The following MORC4 variants were observed in gnomAD, a reference collection of about 807,000 sequenced individuals.
MORC4 encodes MORC family CW-type zinc finger 4.
In MORC4, 22 loss-of-function variants were observed where a neutral mutation model predicts 65.5. The ratio of observed to expected loss-of-function variants is 0.34; its 90% CI spans 0.24 to 0.48. The LOEUF is 0.48. MORC4 is among the 20% of genes least tolerant of loss of function. MORC4 has a pLI of 0.99. For missense variants in MORC4, 624 were observed against 703.0 expected, an observed-to-expected ratio of 0.89 and a Z score of 1.27; for synonymous variants, 267 against 255.8, an observed-to-expected ratio of 1.04 and a Z score of -0.42.
At chrX:106,995,092 T>C (rs1039165656) in intron 2 of MORC4, among the ~76,000 whole-genome samples, 2 of 111,664 alleles carry the variant, frequency 1.8e-5, no homozygotes, top group African/African-American at 3.3e-5. Flanking sequence ...TAGAACTTAT[T>C]TCTTTTATCT....
rs746653031 is a variant in MORC4, at chrX:106,991,984, T to C, written c.308+1246A>G. 2.7e-5 allele frequency among the ~76,000 whole-genome samples: 3 copies of C among 111,659 alleles called. No homozygotes were observed. The South Asian group carries it at 1.1e-3, about 42-fold the overall frequency. On this transcript the variant is annotated intron_variant, in intron 3 of 16. Coordinates refer to ENST00000355610, the MANE Select transcript of MORC4 (RefSeq NM_024657.5). ...GAATTGAACATATAAATGCTTTGGT[T>C]CCATCCCATCTAAAATTGTATTTTT...
intron 11 of MORC4, among the ~76,000 whole-genome samples, chrX:106,957,714 A>G (rs1934144055): frequency 8.9e-6 from 1 of 111,933 alleles, no homozygotes; most frequent in African/African-American, 3.2e-5. Flanking sequence ...ATGGTATATT[A>G]GGAAGACAAA....
Position 106,956,470 on chromosome X carries a change from T to C in MORC4, c.1509+10A>G. 1 of 1,193,154 alleles carries C rather than the reference T, an allele frequency of 8.4e-7. No homozygotes were observed. The highest frequency in any genetic ancestry group is 3.0e-5 in the East Asian group (1 of 33,808). On this transcript the variant is annotated intron_variant, in intron 13 of 16. Coordinates refer to ENST00000355610, the MANE Select transcript of MORC4 (RefSeq NM_024657.5). ...GTGTGAGAACAATAAGGGTGTGCAC[T>C]GCCTCTCACCTGGTGGTTCTCATTT...
chrX:106,981,247 T>C, intron 6 of MORC4, 98 bp downstream of exon 6: 3 of 964,626 alleles, frequency 3.1e-6, no homozygotes, highest in Non-Finnish European at 4.3e-6. Flanking sequence ...GGCTGGAACG[T>C]TGTTATCTTT....
rs146774186 is a variant in MORC4, at chrX:106,968,898, C to A, written c.1158-6788G>T. Among the ~76,000 whole-genome samples the A allele has an allele frequency of 1.5e-3, 169 of 110,706 alleles. 5 individuals carry two copies. In the East Asian group the frequency reaches 0.026, roughly 17 times the overall value. On this transcript the variant is annotated intron_variant, in intron 9 of 16. Coordinates refer to ENST00000355610, the MANE Select transcript of MORC4 (RefSeq NM_024657.5). ...AATAATAATGGGAGACTTTAACACC[C>A]CTCCATTGTCAACGTTAGACAGATC...
intron 2 of MORC4, among the ~76,000 whole-genome samples, chrX:106,994,568 C>T (rs1935042657): frequency 8.9e-6 from 1 of 112,142 alleles, no homozygotes; most frequent in Non-Finnish European, 1.9e-5. Context: ...TTTTTTATAA[C>T]ACAATTAATG....
Position 106,985,982 on chromosome X carries a change from T to C in MORC4, c.526+1A>G, listed in dbSNP as rs1285522341. Reference sequence around the variant, plus strand: ...ACATTCTCCATTTCCAGAAAGGATATTGTTTTGCTGGTTGAATGGAACAAT... The same window carrying C: ...ACATTCTCCATTTCCAGAAAGGATACTGTTTTGCTGGTTGAATGGAACAAT... On this transcript the variant is annotated splice_donor_variant, in intron 4 of 16. Transcript: ENST00000355610. LOFTEE classifies it high-confidence loss of function. 5 of 1,195,369 alleles carry C rather than the reference T, an allele frequency of 4.2e-6. No individual in the cohort carries two copies. The highest frequency in any genetic ancestry group is 5.7e-6 in the Non-Finnish European group (5 of 883,371).
chrX:106,981,285 T>C, intron 6 of MORC4, 60 bp downstream of exon 6: 6 of 1,076,311 alleles, frequency 5.6e-6, no homozygotes, highest in South Asian at 4.4e-5. Flanking sequence ...TCTTGTTCTA[T>C]AATATTTTCA....
intron 14 of MORC4, among the ~76,000 whole-genome samples, 161 bp from the exon 15 acceptor site, chrX:106,943,366 C>A (rs947656396): frequency 8.9e-6 from 1 of 111,851 alleles, no homozygotes; most frequent in Non-Finnish European, 1.9e-5. Flanking sequence ...CAAGCCTCAA[C>A]CATTTCACTA....
At chrX:106,976,723 T>C in intron 8 of MORC4, 39 bp from the exon 9 acceptor site, 3 of 1,012,589 alleles carry the variant, frequency 3.0e-6, no homozygotes, top group Admixed American at 2.2e-5. Context: ...TACATTACTG[T>C]TGGCTGCCTG....
At chrX:106,972,172 A>G (rs933474483) in intron 9 of MORC4, among the ~76,000 whole-genome samples, 14 of 111,777 alleles carry the variant, frequency 1.3e-4, no homozygotes, top group African/African-American at 4.6e-4. Context: ...TTGCAGGGAC[A>G]TGGATGAAGC....
intron 14 of MORC4, among the ~76,000 whole-genome samples, chrX:106,947,420 C>T (rs1933856188): frequency 9.4e-6 from 1 of 106,003 alleles, no homozygotes; most frequent in Non-Finnish European, 1.9e-5. Context: ...TTGTTGTATC[C>T]GTTATTGAAA....
chrX:106,993,210 G>C lies in MORC4; in HGVS notation c.308+20C>G. 1 of 1,200,383 alleles carries C rather than the reference G, an allele frequency of 8.3e-7. No individual in the cohort carries two copies. Among genetic ancestry groups the C allele is most frequent in the Non-Finnish European group, 1.1e-6 (1 of 888,353 alleles). ...GTTCATGAGCTTAAGACAAGAAAAA[G>C]ACAATGAAGACATTTTTACCTGAGC... On this transcript the variant is annotated intron_variant, in intron 3 of 16. Coordinates refer to ENST00000355610, the MANE Select transcript of MORC4 (RefSeq NM_024657.5).
Position 106,983,322 on chromosome X carries a change from G to A in MORC4, c.674+1774C>T, listed in dbSNP as rs773867392. ...CTTGAGGTTTTCTCAGTAGGACACA[G>A]GGAAGATCTAAATTACCAATGTGTG... On this transcript the variant is annotated intron_variant, in intron 5 of 16. Coordinates refer to ENST00000355610, the MANE Select transcript of MORC4 (RefSeq NM_024657.5). Among the ~76,000 whole-genome samples the A allele has an allele frequency of 5.8e-4, 65 of 112,168 alleles. No homozygotes were observed. In the Middle Eastern group the frequency reaches 0.014, roughly 24 times the overall value.
At chrX:106,959,337 G>A (rs1363330221) in intron 10 of MORC4, among the ~76,000 whole-genome samples, 2 of 111,029 alleles carry the variant, frequency 1.8e-5, no homozygotes, top group East Asian at 5.6e-4. Context: ...GAAGGCGGCT[G>A]GAGAAAAGAC....
At chrX:106,976,883 G>A (rs1367007055) in intron 8 of MORC4, among the ~76,000 whole-genome samples, 199 bp from the exon 9 acceptor site, 1 of 111,084 alleles carries the variant, frequency 9.0e-6, no homozygotes, top group Non-Finnish European at 1.9e-5. Context: ...ACAAATTCTA[G>A]GGCAGAGATT....
At chrX:106,968,334 A>G (rs1158776540) in intron 9 of MORC4, among the ~76,000 whole-genome samples, 2 of 111,302 alleles carry the variant, frequency 1.8e-5, no homozygotes, top group Non-Finnish European at 1.9e-5. Context: ...CATGGATAGG[A>G]ACAACTGGTA....
intron 13 of MORC4, 70 bp from the exon 14 acceptor site, chrX:106,955,158 T>C: frequency 1.2e-6 from 1 of 808,683 alleles, no homozygotes; most frequent in South Asian, 2.5e-5. Context: ...AGTCAATCCT[T>C]CTGATGCTAG....
chrX:106,978,323 A>G (rs1357652533), intron 7 of MORC4, 124 bp from the exon 8 acceptor site: 2 of 601,270 alleles, frequency 3.3e-6, no homozygotes, highest in Non-Finnish European at 4.9e-6. Context: ...TTTTGCGGGC[A>G]TTTAAACATC....
Sources: allele counts gnomAD v4.1 joint callset (sites outside exome capture counted in the v4.1 genomes callset), GRCh38; gene constraint gnomAD v4.1.1; transcripts MANE v1.5; gene names NCBI Gene and HGNC (gene_info 2026-07-23, HGNC 2026-07-21).